ARHGAP15: variants seen among roughly 807,000 people sequenced by gnomAD.
The protein encoded by ARHGAP15 is Rho GTPase activating protein 15.
In ARHGAP15, 51 loss-of-function variants were observed where a neutral mutation model predicts 63.7. The observed-to-expected ratio is 0.80, with a 90% CI of 0.64 to 1.01. The LOEUF (loss-of-function observed/expected upper bound fraction) is 1.01. Ranked by LOEUF, ARHGAP15 falls within the 50% of genes least tolerant of loss-of-function variation. The probability of loss-of-function intolerance (pLI) is 0.00; values close to 1 mark genes in which losing one functional copy is unlikely to be tolerated. For missense variants in ARHGAP15, 560 were observed against 564.6 expected (o/e 0.99, Z 0.08); for synonymous variants, 191 against 193.8 (o/e 0.99, Z 0.12).
intron 6 of ARHGAP15, among the ~76,000 whole-genome samples, chr2:143,386,874 G>T (rs1352397094): frequency 1.3e-5 from 2 of 151,762 alleles, no homozygotes; most frequent in Non-Finnish European, 2.9e-5. Context: ...TGGAGCTGGG[G>T]GCCATTATCC....
intron 10 of ARHGAP15, among the ~76,000 whole-genome samples, chr2:143,532,329 CACTGACTTGGAAA>C (rs1694556024): frequency 6.6e-6 from 1 of 152,196 alleles, no homozygotes; most frequent in South Asian, 2.1e-4. Flanking sequence ...TGACTTGGAA[CACTGACTTGGAAA>C]AACTAATATA....
rs1424718108 is a variant in ARHGAP15 at position 143,435,612 on chromosome 2, A to G, written c.486A>G (p.Val162=). The change falls in exon 7 of 14, where the codon GTA becomes GTG. Residue 162 remains valine, a synonymous_variant. Coordinates refer to ENST00000295095, the MANE Select transcript of ARHGAP15 (RefSeq NM_018460.4). Reference sequence around the variant, plus strand: ...TTTTTTTTTTGCAGATCACAACAGTATCAGGAAATGAGTTCCTTCTACAGT... The same window carrying G: ...TTTTTTTTTTGCAGATCACAACAGTGTCAGGAAATGAGTTCCTTCTACAGT... The part of the protein sequence containing the change: ...SRKNVFQITT[V]SGNEFLLQSD... 2 of 1,570,534 alleles carry G rather than the reference A, an allele frequency of 1.3e-6. No individual in the cohort carries two copies. Among genetic ancestry groups the G allele is most frequent in the Non-Finnish European group, 1.7e-6 (2 of 1,166,896 alleles).
intron 12 of ARHGAP15, among the ~76,000 whole-genome samples, chr2:143,627,670 C>T (rs1027216608): frequency 6.6e-6 from 1 of 152,046 alleles, no homozygotes; most frequent in African/African-American, 2.4e-5. Context: ...AGGGACCAAC[C>T]AGGTAAAGTA....
At chr2:143,754,156 TG>T (rs1261801037) in intron 13 of ARHGAP15, among the ~76,000 whole-genome samples, 1 of 152,232 alleles carries the variant, frequency 6.6e-6, no homozygotes, top group Non-Finnish European at 1.5e-5. Context: ...TGGAGGGCTA[TG>T]TAAAGCCGAA....
At chr2:143,378,964 T>C (rs1324370341) in intron 6 of ARHGAP15, among the ~76,000 whole-genome samples, 1 of 151,668 alleles carries the variant, frequency 6.6e-6, no homozygotes, top group African/African-American at 2.4e-5. Flanking sequence ...CCAATAAGGT[T>C]TTTTTTAATT....
At chr2:143,321,553 C>G (rs535015528) in intron 6 of ARHGAP15, among the ~76,000 whole-genome samples, 1 of 152,218 alleles carries the variant, frequency 6.6e-6, no homozygotes, top group Admixed American at 6.5e-5. Context: ...CTTCCCTGAA[C>G]CAATAACTAT....
intron 12 of ARHGAP15, among the ~76,000 whole-genome samples, chr2:143,662,435 C>G (rs1388877225): frequency 1.4e-5 from 2 of 143,838 alleles, no homozygotes; most frequent in Non-Finnish European, 3.1e-5. Flanking sequence ...TCATCAAAGA[C>G]CAAAAGTAGA....
At chr2:143,181,030 G>A (rs995920614) in intron 2 of ARHGAP15, among the ~76,000 whole-genome samples, 1 of 152,164 alleles carries the variant, frequency 6.6e-6, no homozygotes, top group African/African-American at 2.4e-5. Flanking sequence ...TGATCCATGA[G>A]CTGCAGAATG....
chr2:143,457,224 T>A (rs1024990251), intron 8 of ARHGAP15, among the ~76,000 whole-genome samples: 2 of 152,058 alleles, frequency 1.3e-5, no homozygotes, highest in African/African-American at 4.8e-5. Context: ...AATTTAATCA[T>A]AGACCAACAT....
intron 6 of ARHGAP15, among the ~76,000 whole-genome samples, chr2:143,306,944 C>T (rs999895949): frequency 1.3e-5 from 2 of 152,086 alleles, no homozygotes; most frequent in African/African-American, 4.8e-5. Context: ...GGGTTCTCTG[C>T]TCAGGGTCTC....
chr2:143,314,855 C>T (rs1325829824), intron 6 of ARHGAP15, among the ~76,000 whole-genome samples: 1 of 150,614 alleles, frequency 6.6e-6, no homozygotes, highest in Non-Finnish European at 1.5e-5. Context: ...CAATTTCACT[C>T]ATCTGTCCTC....
intron 8 of ARHGAP15, among the ~76,000 whole-genome samples, chr2:143,455,713 G>T (rs1488921511): frequency 1.3e-5 from 2 of 151,980 alleles, no homozygotes; most frequent in African/African-American, 4.8e-5. Flanking sequence ...TACATGTCTA[G>T]CTCATATTGA....
intron 1 of ARHGAP15, among the ~76,000 whole-genome samples, chr2:143,135,528 A>G (rs1326901561): frequency 2.0e-5 from 3 of 152,214 alleles, no homozygotes; most frequent in East Asian, 3.8e-4. Context: ...CTAAATATCA[A>G]TTATACATAT....
chr2:143,382,193 A>G (rs1364819251), intron 6 of ARHGAP15, among the ~76,000 whole-genome samples: 1 of 151,068 alleles, frequency 6.6e-6, no homozygotes, highest in Non-Finnish European at 1.5e-5. Flanking sequence ...CAAAAACTGT[A>G]CTAATATCCT....
In ARHGAP15 at chr2:143,261,907, G is replaced by A. The variant is rs138821502; in HGVS notation, c.474+11307G>A. The stretch of plus-strand genomic sequence containing the variant: ...CAACTTGCCAGAATTTTCCACCCAA[G>A]GATAGACAAGATGAAGCATTTGTTC... On this transcript the variant is annotated intron_variant, in intron 6 of 13. Coordinates refer to ENST00000295095, the MANE Select transcript of ARHGAP15 (RefSeq NM_018460.4). Among the ~76,000 whole-genome samples, 1,056 of 152,218 alleles carry A rather than the reference G, an allele frequency of 6.9e-3. 8 individuals are homozygous for A. Among genetic ancestry groups the A allele is most frequent in the South Asian group, 0.033 (161 of 4,820 alleles).
At chr2:143,185,494 G>A (rs1451352810) in intron 2 of ARHGAP15, among the ~76,000 whole-genome samples, 1 of 152,130 alleles carries the variant, frequency 6.6e-6, no homozygotes, top group Non-Finnish European at 1.5e-5. Flanking sequence ...CTAAGATTCT[G>A]CAATATCCCC....
At chr2:143,382,784 G>A (rs776990283) in intron 6 of ARHGAP15, among the ~76,000 whole-genome samples, 1 of 152,146 alleles carries the variant, frequency 6.6e-6, no homozygotes, top group Non-Finnish European at 1.5e-5. Flanking sequence ...TCTTGTCTGC[G>A]ACTTTTCTGT....
At chr2:143,730,892 TAAA>T (rs1158246680) in intron 13 of ARHGAP15, among the ~76,000 whole-genome samples, 1,026 of 83,986 alleles carry the variant, frequency 0.012, 9 homozygotes, top group Non-Finnish European at 0.017. Context: ...AGCACTCCTT[TAAA>T]AAAAAAAAAA....
chr2:143,252,508 G>A (rs2104983980), intron 6 of ARHGAP15, among the ~76,000 whole-genome samples: 1 of 152,030 alleles, frequency 6.6e-6, no homozygotes, highest in South Asian at 2.1e-4. Context: ...ACAGTTCATG[G>A]GGCCTCAGTC....
Sources: gnomAD v4.1 joint callset for allele counts (sites outside exome capture counted in the v4.1 genomes callset) on GRCh38, gnomAD v4.1.1 for gene constraint, MANE v1.5 for transcripts, NCBI Gene and HGNC (gene_info 2026-07-23, HGNC 2026-07-21) for gene names.